LRRC37A2: variants seen among roughly 807,000 people sequenced by gnomAD.
LRRC37A2 encodes leucine rich repeat containing 37 member A2, also known as leucine-rich repeat-containing protein 37A2.
A neutral mutation model predicts 68.8 loss-of-function variants in LRRC37A2; 9 were observed. The ratio of observed to expected loss-of-function variants is 0.13; its 90% CI spans 0.08 to 0.23. LRRC37A2 has a LOEUF of 0.23. LRRC37A2 is among the 10% of genes least tolerant of loss of function. The probability of loss-of-function intolerance (pLI) is 1.00; values close to 1 mark genes in which losing one functional copy is unlikely to be tolerated. For missense variants in LRRC37A2, 168 were observed against 950.4 expected (o/e 0.18, Z 10.82); for synonymous variants, 63 against 367.6 (o/e 0.17, Z 9.48).
chr17:46,778,626 G>T, the LRRC37A2 span, among the ~76,000 whole-genome samples: 2 of 152,172 alleles, frequency 1.3e-5, no homozygotes, highest in East Asian at 3.9e-4. Context: ...TGAAGTACAC[G>T]TTCCACTTCG....
At chr17:46,509,896 GAC>G (rs1222772029), upstream of LRRC37A2, among the ~76,000 whole-genome samples, 7 of 44,574 alleles carry the variant, frequency 1.6e-4, 3 homozygotes, top group Non-Finnish European at 2.4e-4. Context: ...GACAGAGCAA[GAC>G]ACTCTCTCGA....
the LRRC37A2 span, among the ~76,000 whole-genome samples, chr17:46,820,178 G>C: frequency 1.3e-5 from 2 of 152,220 alleles, no homozygotes; most frequent in African/African-American, 4.8e-5. Context: ...TGCCCCTTCT[G>C]GTCGGCGAGC....
the LRRC37A2 span, among the ~76,000 whole-genome samples, chr17:46,718,358 G>A: frequency 6.6e-6 from 1 of 152,000 alleles, no homozygotes; most frequent in Non-Finnish European, 1.5e-5. Context: ...ATTATGTATA[G>A]ATCAAAATAA....
chr17:46,992,443 A>G, the LRRC37A2 span, among the ~76,000 whole-genome samples: 1 of 152,210 alleles, frequency 6.6e-6, no homozygotes, highest in Non-Finnish European at 1.5e-5. Flanking sequence ...GTTTTTAAAA[A>G]TTCCAAAGCT....
the LRRC37A2 span, among the ~76,000 whole-genome samples, chr17:46,739,908 C>G: frequency 1.3e-5 from 2 of 152,086 alleles, no homozygotes; most frequent in African/African-American, 2.4e-5. Flanking sequence ...CCATATTGGC[C>G]AGACTGGTCT....
chr17:46,710,920 A>G, the LRRC37A2 span: 9 of 1,535,960 alleles, frequency 5.9e-6, no homozygotes, highest in South Asian at 1.1e-4. Context: ...GTTAGTTTTT[A>G]ACACTAAGGC....
chr17:46,862,163 C>CAAAA, the LRRC37A2 span, among the ~76,000 whole-genome samples: 2 of 80,328 alleles, frequency 2.5e-5, no homozygotes, highest in African/African-American at 7.0e-5. Flanking sequence ...AACTCCGTCT[C>CAAAA]AAAAAAAAAA....
chr17:46,853,200 T>C, the LRRC37A2 span, among the ~76,000 whole-genome samples: 1 of 152,006 alleles, frequency 6.6e-6, no homozygotes, highest in African/African-American at 2.4e-5. Flanking sequence ...ACTTGCTAGG[T>C]GTGCTCTTGG....
At chr17:47,024,860 A>C in the LRRC37A2 span, 1 of 603,366 alleles carries the variant, frequency 1.7e-6, no homozygotes, top group South Asian at 2.0e-5. Flanking sequence ...AAAATTCTGC[A>C]ATTCTGTAAG....
chr17:46,553,378 A>T, intron 11 of LRRC37A2, 22 bp from the exon 11 acceptor site: 1 of 1,609,486 alleles, frequency 6.2e-7, no homozygotes, highest in South Asian at 1.1e-5. Flanking sequence ...GATAATCTTA[A>T]TTGCGTTTTC....
the LRRC37A2 span, among the ~76,000 whole-genome samples, chr17:46,823,685 C>G: frequency 6.6e-6 from 1 of 152,282 alleles, no homozygotes; most frequent in African/African-American, 2.4e-5. Flanking sequence ...AATGACCCAC[C>G]CATCTTGGTC....
the LRRC37A2 span, among the ~76,000 whole-genome samples, chr17:46,976,237 T>TA: frequency 6.8e-6 from 1 of 147,992 alleles, no homozygotes; most frequent in South Asian, 2.3e-4. Context: ...TAAAAGTTTT[T>TA]AAAAAAGAAA....
intron 8 of LRRC37A2, among the ~76,000 whole-genome samples, chr17:46,541,284 C>A (rs1415774137): frequency 6.6e-6 from 1 of 150,380 alleles, no homozygotes; most frequent in East Asian, 1.9e-4. Context: ...TGGAATCTCA[C>A]TCTGTCGCCC....
the LRRC37A2 span, chr17:46,935,825 C>G: frequency 1.0e-6 from 1 of 986,002 alleles, no homozygotes; most frequent in Non-Finnish European, 1.2e-6. Context: ...TGATGTCAGT[C>G]ATGATGTTTC....
chr17:46,743,027 AG>A, the LRRC37A2 span, among the ~76,000 whole-genome samples: 1 of 152,132 alleles, frequency 6.6e-6, no homozygotes, highest in Non-Finnish European at 1.5e-5. Flanking sequence ...CCTCTCCCTG[AG>A]GCCCCACGCT....
the LRRC37A2 span, among the ~76,000 whole-genome samples, chr17:46,787,983 C>G: frequency 6.6e-6 from 1 of 151,338 alleles, no homozygotes; most frequent in Non-Finnish European, 1.5e-5. Flanking sequence ...AAAGATGTAG[C>G]CTCCACCCTC....
chr17:46,413,851 C>CT, the LRRC37A2 span, among the ~76,000 whole-genome samples: 6 of 100,124 alleles, frequency 6.0e-5, 2 homozygotes, highest in East Asian at 1.4e-3. Flanking sequence ...ATCCACCTGC[C>CT]TTGACCTCCC....
chr17:46,836,642 G>A, the LRRC37A2 span, among the ~76,000 whole-genome samples: 1 of 152,160 alleles, frequency 6.6e-6, no homozygotes, highest in Non-Finnish European at 1.5e-5. Context: ...TAAATATGCC[G>A]CATGTTGGGA....
In LRRC37A2 at chr17:46,545,071, G is replaced by A. The variant is rs531847811; in HGVS notation, c.3054-1184G>A. 2.9e-4 allele frequency among the ~76,000 whole-genome samples: 40 copies of A among 136,312 alleles called. 3 individuals carry two copies. Among genetic ancestry groups the A allele is most frequent in the African/African-American group, 9.9e-4 (34 of 34,288 alleles). 89.4% of individuals were successfully genotyped at this position (136,312 alleles called of 152,430 possible). ...ATAGGTGATGTATCCTTCCTGCCTC[G>A]TAACCGCAGATGGCCTGTAATACTA... On this transcript the variant is annotated intron_variant, in intron 8 of 14. Transcript: ENST00000576629.
Sources: allele counts gnomAD v4.1 joint callset (sites outside exome capture counted in the v4.1 genomes callset), GRCh38; gene constraint gnomAD v4.1.1; transcripts MANE v1.5; gene names NCBI Gene and HGNC (gene_info 2026-07-23, HGNC 2026-07-21).